Variants in STK31 observed in about 807,000 individuals in gnomAD.
The protein encoded by STK31 is serine/threonine-protein kinase 31.
STK31 carries 89 observed loss-of-function variants against 129.7 expected under a neutral mutation model. The observed-to-expected ratio is 0.69, with a 90% CI of 0.58 to 0.82. The LOEUF is 0.82. STK31 is among the 40% of genes least tolerant of loss of function. STK31 has a pLI of 0.00. For missense variants in STK31, 1,187 were observed against 1,176.4 expected (o/e 1.01, Z -0.13); for synonymous variants, 448 against 395.3 (o/e 1.13, Z -1.58).
chr7:23,767,461 G>T (rs536259511), intron 11 of STK31, among the ~76,000 whole-genome samples: 43 of 152,274 alleles, frequency 2.8e-4, no homozygotes, highest in South Asian at 8.3e-4. Context: ...TGCCATCTGG[G>T]ATTATCTACT....
intron 22 of STK31, chr7:23,791,404 T>C (rs1202361459): frequency 8.2e-6 from 5 of 613,222 alleles, no homozygotes; most frequent in East Asian, 1.4e-4. Flanking sequence ...TTCTCACTTA[T>C]AAGTGGGAGC....
intron 15 of STK31, among the ~76,000 whole-genome samples, chr7:23,775,143 T>C (rs1201910597): frequency 2.0e-5 from 3 of 152,214 alleles, no homozygotes; most frequent in African/African-American, 7.2e-5. Flanking sequence ...TGGTTGTAGA[T>C]GTGTGACATT....
At chr7:23,737,873 G>A (rs1255777696) in intron 8 of STK31, among the ~76,000 whole-genome samples, 1 of 149,460 alleles carries the variant, frequency 6.7e-6, no homozygotes, top group African/African-American at 2.5e-5. Context: ...GTGTGTGTGT[G>A]TGTGTGTGTG....
At chr7:23,712,052 A>G (rs1785998255) in intron 1 of STK31, 47 bp from the exon 2 acceptor site, 1 of 1,473,248 alleles carries the variant, frequency 6.8e-7, no homozygotes, top group Non-Finnish European at 9.4e-7. Context: ...GTCTTCATTC[A>G]TTATTAATGG....
intron 22 of STK31, among the ~76,000 whole-genome samples, chr7:23,794,439 C>T (rs1791828944): frequency 1.3e-5 from 2 of 152,166 alleles, no homozygotes; most frequent in Admixed American, 1.3e-4. Flanking sequence ...ATAAATTACC[C>T]AGTCTTGGGG....
intron 15 of STK31, among the ~76,000 whole-genome samples, chr7:23,780,386 A>AC (rs1790846529): frequency 6.6e-6 from 1 of 152,218 alleles, no homozygotes; most frequent in Admixed American, 6.5e-5. Context: ...GCCAAGGTTA[A>AC]GGATGCATGC....
intron 22 of STK31, among the ~76,000 whole-genome samples, chr7:23,808,416 A>C (rs958000667): frequency 6.6e-6 from 1 of 151,436 alleles, no homozygotes; most frequent in African/African-American, 2.4e-5. Context: ...ACCTTATTCC[A>C]CCTTCTTGTG....
At chr7:23,812,234 G>A (rs11980860) in intron 22 of STK31, among the ~76,000 whole-genome samples, 3 of 151,924 alleles carry the variant, frequency 2.0e-5, no homozygotes, top group African/African-American at 7.3e-5. Flanking sequence ...GTGGTTGAGA[G>A]TTATTTTCTT....
intron 22 of STK31, among the ~76,000 whole-genome samples, chr7:23,802,840 G>A (rs1281814634): frequency 6.6e-6 from 1 of 152,152 alleles, no homozygotes; most frequent in Non-Finnish European, 1.5e-5. Flanking sequence ...TTTACAAACA[G>A]CTTGTCTGTG....
At chr7:23,787,401 T>A (rs1486677636) in intron 20 of STK31, among the ~76,000 whole-genome samples, 3 of 152,170 alleles carry the variant, frequency 2.0e-5, no homozygotes, top group African/African-American at 7.2e-5. Flanking sequence ...AAGTCTTCTT[T>A]GAGATGATAG....
rs768647660 is a variant in STK31, at chr7:23,785,597, G to T, written c.2268G>T (p.Leu756=). The T allele has an allele frequency of 1.3e-5, 21 of 1,611,980 alleles. No homozygotes were observed. In the Admixed American group the frequency reaches 3.3e-4, roughly 26 times the overall value. ...CTGAGGTTAATGGGCAGATAATTCTGTTAAAGGTAAGTCTAACTTCTTCTT... is the reference window on the plus strand; with the variant it reads ...CTGAGGTTAATGGGCAGATAATTCTTTTAAAGGTAAGTCTAACTTCTTCTT... ...VRSEVNGQII[L]LKGYSVDVDT... Residue 756 remains leucine (L), a synonymous_variant, in exon 18 of 24, where the codon CTG becomes CTT. Coordinates refer to ENST00000355870, the MANE Select transcript of STK31 (RefSeq NM_031414.5).
chr7:23,776,939 G>A lies in STK31; in HGVS notation c.1966-4480G>A, dbSNP rs188460778. 3.5e-3 allele frequency among the ~76,000 whole-genome samples: 538 copies of A among 152,140 alleles called. 3 individuals carry two copies. The highest frequency in any genetic ancestry group is 0.012 in the African/African-American group (518 of 41,516). On this transcript the variant is annotated intron_variant, in intron 15 of 23. Coordinates refer to ENST00000355870, the MANE Select transcript of STK31 (RefSeq NM_031414.5). Reference sequence around the variant, plus strand: ...AGGGTGTCGATTTTAGATCTTTTCCGCTTTCACCTGTGGGCATTTAGTGCT... The same window carrying A: ...AGGGTGTCGATTTTAGATCTTTTCCACTTTCACCTGTGGGCATTTAGTGCT...
chr7:23,720,904 TAGAG>T (rs1384643934), intron 4 of STK31, among the ~76,000 whole-genome samples: 1 of 152,200 alleles, frequency 6.6e-6, no homozygotes, highest in Admixed American at 6.5e-5. Flanking sequence ...ATTTCCTTAT[TAGAG>T]AAAGTTTTTA....
At chr7:23,829,629 A>G (rs1218946865) in intron 23 of STK31, among the ~76,000 whole-genome samples, 2 of 152,180 alleles carry the variant, frequency 1.3e-5, no homozygotes, top group Admixed American at 1.3e-4. Flanking sequence ...TATCAAGGTA[A>G]TGGTGGGCTG....
In STK31 at chr7:23,786,596, C is replaced by A; in HGVS notation, c.2363C>A (p.Ser788Ter). 6.2e-7 allele frequency: 1 copy of A among 1,613,750 alleles called. No homozygotes were observed. Among genetic ancestry groups the A allele is most frequent in the Non-Finnish European group, 8.5e-7 (1 of 1,179,830 alleles). Residue 788 changes from serine (S) to a stop codon, truncating the protein, a stop_gained, in exon 19 of 24, where the codon TCA becomes TAA. Coordinates refer to ENST00000355870, the MANE Select transcript of STK31 (RefSeq NM_031414.5). LOFTEE classifies it high-confidence loss of function. ...GCTTGGAGAGAAGCTGAAGGAGACT[C>A]AGGGTTACTGCCATTGATATTCCTG... ...HRAWREAEGDSGLLPLIFLFL... is the reference protein window; with the variant it reads ...HRAWREAEGD
chr7:23,731,195 A>C (rs768494122), intron 6 of STK31, among the ~76,000 whole-genome samples: 6 of 151,892 alleles, frequency 4.0e-5, no homozygotes, highest in Non-Finnish European at 7.4e-5. Context: ...TTGTATTTGG[A>C]TGCTTAGTTC....
chr7:23,795,451 T>G (rs1791894266), intron 22 of STK31, among the ~76,000 whole-genome samples: 1 of 152,180 alleles, frequency 6.6e-6, no homozygotes, highest in African/African-American at 2.4e-5. Flanking sequence ...GGAGCCCTTA[T>G]GAAGATACTC....
At chr7:23,721,330 A>G (rs1786675334) in intron 4 of STK31, 1 of 704,086 alleles carries the variant, frequency 1.4e-6, no homozygotes, top group Non-Finnish European at 2.5e-6. Context: ...AAATATGTCA[A>G]GTAAGCTTTT....
At chr7:23,712,203 T>C in intron 2 of STK31, 31 bp from the exon 3 acceptor site, 1 of 1,614,038 alleles carries the variant, frequency 6.2e-7, no homozygotes, top group South Asian at 1.1e-5. Flanking sequence ...GATTAATTTC[T>C]AATTTTCCTT....
Sources: gnomAD v4.1 joint callset for allele counts (sites outside exome capture counted in the v4.1 genomes callset) on GRCh38, gnomAD v4.1.1 for gene constraint, MANE v1.5 for transcripts, NCBI Gene and HGNC (gene_info 2026-07-23, HGNC 2026-07-21) for gene names.